Variants in NBR1 observed in about 807,000 individuals in gnomAD.
NBR1 encodes the protein NBR1 autophagy cargo receptor.
Under a neutral mutation model 115.5 loss-of-function variants are expected in NBR1, and 59 were observed. The observed-to-expected ratio is 0.51, with a 90% CI of 0.41 to 0.63. The LOEUF (loss-of-function observed/expected upper bound fraction) is 0.63. Among genes scored for constraint, NBR1 ranks in the 30% least tolerant of loss-of-function variants. The pLI, the probability that NBR1 is intolerant of heterozygous loss-of-function variation, is 0.00. For synonymous variants in NBR1, 373 were observed against 414.7 expected (o/e 0.90, Z 1.22); for missense variants, 1,043 against 1,150.5 (o/e 0.91, Z 1.35).
At chr17:43,196,796 A>G (rs533410143) in intron 15 of NBR1, 146 bp from the exon 16 acceptor site, 6 of 938,134 alleles carry the variant, frequency 6.4e-6, no homozygotes, top group Non-Finnish European at 9.7e-6. Flanking sequence ...ATGACTGGTG[A>G]ATGTTCTTCA....
chr17:43,176,393 C>G (rs535332294), intron 2 of NBR1: 1 of 152,414 alleles, frequency 6.6e-6, no homozygotes, highest in Non-Finnish European at 1.5e-5. Context: ...TCACCTGTTC[C>G]GTTTTTTTGC....
At chr17:43,173,770 C>T (rs1425903555) in intron 1 of NBR1, among the ~76,000 whole-genome samples, 1 of 152,034 alleles carries the variant, frequency 6.6e-6, no homozygotes, top group Non-Finnish European at 1.5e-5. Context: ...AGTAATGGGC[C>T]GGAGGTATGT....
chr17:43,190,056 A>T, intron 8 of NBR1: 1 of 476,484 alleles, frequency 2.1e-6, no homozygotes, highest in Non-Finnish European at 3.8e-6. Flanking sequence ...GGACAAAATT[A>T]GATCACTAAG....
intron 17 of NBR1, among the ~76,000 whole-genome samples, chr17:43,201,216 T>C (rs2057190438): frequency 6.6e-6 from 1 of 152,178 alleles, no homozygotes; most frequent in African/African-American, 2.4e-5. Flanking sequence ...CCCTCCTTGT[T>C]TTATTGACTC....
intron 5 of NBR1, among the ~76,000 whole-genome samples, chr17:43,181,059 G>A (rs962107268): frequency 6.6e-6 from 1 of 152,082 alleles, no homozygotes; most frequent in Non-Finnish European, 1.5e-5. Context: ...TTTTCTTAGA[G>A]ACAGGGTTTC....
rs760486151 is a variant in NBR1, at chr17:43,196,585, C to T, written c.1855C>T (p.Leu619Phe). Residue 619 changes from leucine (L) to phenylalanine (F), a missense_variant, in exon 15 of 21, where the codon CTT (leucine) becomes TTT (phenylalanine). Coordinates refer to ENST00000590996, the MANE Select transcript of NBR1 (RefSeq NM_005899.5). ...GAATGAAGGGGCAGGATTTAAAGCA[C>T]TTCCTGGTAAGGGATTAAACATTTG... ...EENEGAGFKA[L>F]PDSMVSVKRK... 3.3e-5 allele frequency: 53 copies of T among 1,592,914 alleles called. No homozygotes were observed. Among genetic ancestry groups the T allele is most frequent in the South Asian group, 1.3e-4 (11 of 87,708 alleles).
At chr17:43,171,868 G>C (rs1190947907) in intron 1 of NBR1, among the ~76,000 whole-genome samples, 1 of 151,960 alleles carries the variant, frequency 6.6e-6, no homozygotes, top group Non-Finnish European at 1.5e-5. Context: ...GGCTTGAACT[G>C]CTGAGCTCAA....
intron 4 of NBR1, 75 bp downstream of exon 4, chr17:43,179,487 T>C: frequency 7.5e-7 from 1 of 1,339,818 alleles, no homozygotes; most frequent in Non-Finnish European, 1.1e-6. Context: ...CTATTTATAC[T>C]CAAACCTTAT....
At chr17:43,196,168 A>G (rs1045211869) in intron 14 of NBR1, 68 of 195,904 alleles carry the variant, frequency 3.5e-4, no homozygotes, top group Non-Finnish European at 6.1e-5. Context: ...AGGCTTTTCC[A>G]CTATAAAGGA....
intron 16 of NBR1, among the ~76,000 whole-genome samples, chr17:43,199,361 C>T (rs1162604778): frequency 6.6e-6 from 1 of 151,872 alleles, no homozygotes; most frequent in Non-Finnish European, 1.5e-5. Context: ...AGGCGTAAGC[C>T]ACCACACCTG....
rs930123154 is a variant in NBR1 at position 43,195,096 on chromosome 17, C to T, written c.1750+57C>T. On this transcript the variant is annotated intron_variant, in intron 14 of 20. Transcript: ENST00000590996. ...CTTACTAATAGGCACAAAAGTACCA[C>T]AGCCTAGACACTGGTAGTGTTTTAT... 3.0e-6 allele frequency: 4 copies of T among 1,317,074 alleles called. No homozygotes were observed. The Admixed American group carries it at 6.9e-5, about 23-fold the overall frequency. The allele number at this position is 1,317,074 out of a possible 1,614,324, so 81.6% of individuals were successfully genotyped here. A position where few individuals can be genotyped will look rare whatever the true frequency, so the allele number is the denominator to read the frequency against.
chr17:43,198,724 G>T (rs1384185159), intron 16 of NBR1, among the ~76,000 whole-genome samples: 2 of 152,074 alleles, frequency 1.3e-5, no homozygotes, highest in South Asian at 4.1e-4. Flanking sequence ...CACGTTGGGA[G>T]GCCGAGGTGG....
chr17:43,193,563 C>G lies in NBR1; in HGVS notation c.1449C>G (p.Ser483=), dbSNP rs535220529. 6 of 1,612,500 alleles carry G rather than the reference C, an allele frequency of 3.7e-6. No individual in the cohort carries two copies. In the African/African-American group the frequency reaches 5.3e-5, roughly 14 times the overall value. Residue 483 remains serine, a synonymous_variant, in exon 12 of 21, where the codon TCC becomes TCG. Transcript: ENST00000590996. ...GTATCATAGTAGATCCTTTCCCCTCCGAAGAGAGCCCTGATAACATTGAAA... is the reference window on the plus strand; with the variant it reads ...GTATCATAGTAGATCCTTTCCCCTCGGAAGAGAGCCCTGATAACATTGAAA... ...WCSIIVDPFP[S]EESPDNIEKG... is the part of the protein sequence containing the mutation.
chr17:43,176,087 A>G (rs139195897), intron 2 of NBR1, 186 bp downstream of exon 2: 21 of 449,650 alleles, frequency 4.7e-5, no homozygotes, highest in African/African-American at 4.1e-4. Context: ...AATAAAGGGA[A>G]CCAACACATA....
At position 43,196,466 on chromosome 17, in the gene NBR1, G is replaced by T; in HGVS notation, c.1751-15G>T. ...CTTTCTCTTGATTGATGGTTCTCCT[G>T]TCTTCATTCTCCAGATGTGACTCCC... On this transcript the variant is annotated splice_polypyrimidine_tract_variant and intron_variant, in intron 14 of 20. Coordinates refer to ENST00000590996, the MANE Select transcript of NBR1 (RefSeq NM_005899.5). 6.8e-7 allele frequency: 1 copy of T among 1,468,468 alleles called. No homozygotes were observed. Among genetic ancestry groups the T allele is most frequent in the East Asian group, 2.4e-5 (1 of 41,950 alleles). The allele number at this position is 1,468,468 out of a possible 1,614,324, so 91.0% of individuals were successfully genotyped here.
intron 8 of NBR1, 94 bp from the exon 9 acceptor site, chr17:43,190,515 G>T: frequency 1.5e-6 from 2 of 1,363,816 alleles, no homozygotes; most frequent in Non-Finnish European, 2.0e-6. Flanking sequence ...CTGCTAGTTG[G>T]TACTGGAGCA....
Position 43,186,003 on chromosome 17 carries a change from AAAATAAATAAATAAATAAATAAAT to A in NBR1, c.208-222_208-199del, listed in dbSNP as rs57886411. Among the ~76,000 whole-genome samples the A allele has an allele frequency of 8.8e-5, 13 of 147,194 alleles. No homozygotes were observed. In the East Asian group the frequency reaches 1.0e-3, roughly 11 times the overall value. ...GCAACAAGAGCAAAACTCCGTCTCA[AAAATAAATAAATAAATAAATAAAT>A]AAATAAATAAATAAATAAATAAATT... is the stretch of plus-strand genomic sequence containing the variant. On this transcript the variant is annotated intron_variant, in intron 5 of 20. Coordinates refer to ENST00000590996, the MANE Select transcript of NBR1 (RefSeq NM_005899.5).
In NBR1 at chr17:43,203,712, C is replaced by T; in HGVS notation, c.2653C>T (p.Leu885=). 1 of 1,610,486 alleles carries T rather than the reference C, an allele frequency of 6.2e-7. No homozygotes were observed. The highest frequency in any genetic ancestry group is 8.5e-7 in the Non-Finnish European group (1 of 1,178,162). Residue 885 remains leucine, a synonymous_variant, in exon 20 of 21, where the codon CTG becomes TTG. Transcript: ENST00000590996. ...HHHGSSIAGG[L]VKGALSVAAS... ...TCATGGGAGCAGCATTGCTGGAGGA[C>T]TGGTGAAGGGGGCTTTGTCTGTTGC...
chr17:43,184,111 G>A (rs2056741230), intron 5 of NBR1, among the ~76,000 whole-genome samples: 1 of 152,066 alleles, frequency 6.6e-6, no homozygotes, highest in African/African-American at 2.4e-5. Context: ...CACATAGCTG[G>A]AGTGCAGTGG....
Sources: allele counts gnomAD v4.1 joint callset (sites outside exome capture counted in the v4.1 genomes callset), GRCh38; gene constraint gnomAD v4.1.1; transcripts MANE v1.5; gene names NCBI Gene and HGNC (gene_info 2026-07-23, HGNC 2026-07-21).